VIPR2: variants seen among roughly 807,000 people sequenced by gnomAD.
VIPR2 encodes vasoactive intestinal peptide receptor 2.
Under a neutral mutation model 58.0 loss-of-function variants are expected in VIPR2, and 48 were observed. The ratio of observed to expected loss-of-function variants is 0.83; its 90% confidence interval spans 0.66 to 1.05. The LOEUF is 1.05. VIPR2 is among the 50% of genes least tolerant of loss of function. VIPR2 has a pLI of 0.00. For synonymous variants in VIPR2, 243 were observed against 235.2 expected (o/e 1.03, Z -0.30); for missense variants, 534 against 558.0 (o/e 0.96, Z 0.43).
intron 2 of VIPR2, among the ~76,000 whole-genome samples, chr7:159,112,933 C>A (rs1356196580): frequency 1.3e-5 from 2 of 151,852 alleles, no homozygotes; most frequent in East Asian, 3.9e-4. Flanking sequence ...CTTCCTGGGG[C>A]CAGATCCCCA....
intron 4 of VIPR2, among the ~76,000 whole-genome samples, chr7:159,088,409 T>C (rs1286910169): frequency 6.8e-6 from 1 of 147,996 alleles, no homozygotes; most frequent in Admixed American, 6.7e-5. Context: ...GCACAGCTGT[T>C]CATCCGCACA....
Position 159,030,680 on chromosome 7 carries a change from G to A in VIPR2, c.1253C>T (p.Ala418Val), listed in dbSNP as rs1489536540. Residue 418 changes from alanine to valine, a missense_variant, in exon 13 of 13, where the codon GCC becomes GTC. Transcript: ENST00000262178. ...GCGGGAGCCGCGGTGGAACTGCAGG[G>A]CGCCCTCCGAGCCGTTGCGGGAGAA... is the stretch of plus-strand genomic sequence containing the variant. ...SSFSRNGSEG[A>V]LQFHRGSRAQ... 6.4e-7 allele frequency: 1 copy of A among 1,569,492 alleles called. No individual in the cohort carries two copies. The highest frequency in any genetic ancestry group is 8.6e-7 in the Non-Finnish European group (1 of 1,158,828).
At chr7:159,094,717 C>T (rs1057380474) in intron 4 of VIPR2, among the ~76,000 whole-genome samples, 16 of 152,228 alleles carry the variant, frequency 1.1e-4, no homozygotes, top group African/African-American at 1.7e-4. Context: ...GTAATCAGTG[C>T]GACTCCATGC....
At chr7:159,039,232 G>A (rs1026658457) in intron 6 of VIPR2, among the ~76,000 whole-genome samples, 14 of 152,198 alleles carry the variant, frequency 9.2e-5, no homozygotes, top group African/African-American at 3.4e-4. Context: ...GCCAAGGCGG[G>A]GGGATCACTT....
chr7:159,062,772 T>G (rs1197367705), intron 4 of VIPR2, among the ~76,000 whole-genome samples: 1 of 152,208 alleles, frequency 6.6e-6, no homozygotes, highest in Admixed American at 6.5e-5. Context: ...TCCGGCCGCC[T>G]GCTTTTATTC....
At chr7:159,042,312 C>T (rs1444757511) in intron 6 of VIPR2, among the ~76,000 whole-genome samples, 1 of 152,080 alleles carries the variant, frequency 6.6e-6, no homozygotes. Flanking sequence ...CACAAAGATG[C>T]CGAGCATGTG....
chr7:159,073,129 A>G (rs185556143), intron 4 of VIPR2, among the ~76,000 whole-genome samples: 1 of 152,280 alleles, frequency 6.6e-6, no homozygotes, highest in Non-Finnish European at 1.5e-5. Context: ...AAAAAGCACA[A>G]CATCTTATTT....
chr7:159,092,649 TC>T (rs1431879411), intron 4 of VIPR2, among the ~76,000 whole-genome samples: 1 of 131,550 alleles, frequency 7.6e-6, no homozygotes, highest in Non-Finnish European at 1.5e-5. Flanking sequence ...TCTTTTCTTT[TC>T]TTTTTTTTTT....
intron 4 of VIPR2, among the ~76,000 whole-genome samples, chr7:159,078,599 T>C (rs958352267): frequency 6.6e-6 from 1 of 152,224 alleles, no homozygotes; most frequent in Non-Finnish European, 1.5e-5. Flanking sequence ...TTGAGTCTTG[T>C]TGGAAGGGGT....
intron 2 of VIPR2, among the ~76,000 whole-genome samples, chr7:159,111,300 C>T (rs1426030068): frequency 3.2e-4 from 48 of 152,184 alleles, no homozygotes; most frequent in Non-Finnish European, 1.5e-5. Flanking sequence ...CTGTCCATCT[C>T]CTATAAAACA....
intron 4 of VIPR2, among the ~76,000 whole-genome samples, chr7:159,076,946 G>A (rs1000980333): frequency 6.6e-6 from 1 of 152,182 alleles, no homozygotes; most frequent in Non-Finnish European, 1.5e-5. Flanking sequence ...TGCTTAGCCT[G>A]GAGTGGCTTT....
intron 5 of VIPR2, among the ~76,000 whole-genome samples, chr7:159,048,161 CTAATCAAT>C (rs1432427106): frequency 1.6e-5 from 2 of 121,390 alleles, no homozygotes; most frequent in African/African-American, 6.2e-5. Context: ...AACACTTTTT[CTAATCAAT>C]GGATTTAGAG....
At chr7:159,068,503 G>A (rs1015151840) in intron 4 of VIPR2, among the ~76,000 whole-genome samples, 2 of 152,236 alleles carry the variant, frequency 1.3e-5, no homozygotes, top group African/African-American at 2.4e-5. Flanking sequence ...AGCCTTCTGT[G>A]TTCCACAGCG....
chr7:159,140,075 T>C (rs1446942502), intron 2 of VIPR2, among the ~76,000 whole-genome samples: 2 of 116,860 alleles, frequency 1.7e-5, no homozygotes, highest in South Asian at 2.7e-4. Flanking sequence ...ACGTGTTTTT[T>C]TGTTTTTGTT....
At chr7:159,032,189 G>A in intron 10 of VIPR2, 122 bp from the exon 11 acceptor site, 2 of 1,363,246 alleles carry the variant, frequency 1.5e-6, no homozygotes, top group South Asian at 1.4e-5. Context: ...CCTCTCCACT[G>A]CTGGAGTCCC....
intron 10 of VIPR2, among the ~76,000 whole-genome samples, chr7:159,033,035 A>C (rs1853687107): frequency 1.3e-5 from 2 of 152,128 alleles, no homozygotes; most frequent in South Asian, 4.1e-4. Context: ...ACTACACAGC[A>C]GAATTAGATT....
chr7:159,092,681 C>T (rs1222244237), intron 4 of VIPR2, among the ~76,000 whole-genome samples: 5 of 143,150 alleles, frequency 3.5e-5, no homozygotes, highest in Non-Finnish European at 6.0e-5. Context: ...GACTGAGTCT[C>T]GCTGTGTTGC....
intron 5 of VIPR2, among the ~76,000 whole-genome samples, chr7:159,046,956 C>T (rs975499268): frequency 1.1e-4 from 16 of 152,178 alleles, no homozygotes; most frequent in Non-Finnish European, 2.1e-4. Flanking sequence ...GATCCTGGGC[C>T]GGGCGCGGTG....
At chr7:159,057,731 C>G (rs1855403830) in intron 5 of VIPR2, among the ~76,000 whole-genome samples, 1 of 152,130 alleles carries the variant, frequency 6.6e-6, no homozygotes, top group Non-Finnish European at 1.5e-5. Context: ...AGAGCTCTTC[C>G]TATAGAGAAA....
Sources: allele counts gnomAD v4.1 joint callset (sites outside exome capture counted in the v4.1 genomes callset), GRCh38; gene constraint gnomAD v4.1.1; transcripts MANE v1.5; gene names NCBI Gene and HGNC (gene_info 2026-07-23, HGNC 2026-07-21).